The following GAS2 variants were observed in gnomAD, a reference collection of about 807,000 sequenced individuals.
The protein encoded by GAS2 is growth arrest-specific protein 2.
GAS2 carries 20 observed loss-of-function variants against 37.5 expected under a neutral mutation model. The observed-to-expected ratio is 0.53, with a 90% CI of 0.37 to 0.77. The LOEUF (loss-of-function observed/expected upper bound fraction) is 0.77, where lower values mean the gene tolerates loss of function less well. Ranked by LOEUF, GAS2 falls within the 30% of genes least tolerant of loss-of-function variation. The pLI is 0.00. For synonymous variants in GAS2, 144 were observed against 132.2 expected, an observed-to-expected ratio of 1.09 and a Z score of -0.61; for missense variants, 336 against 373.4, an observed-to-expected ratio of 0.90 and a Z score of 0.82.
At chr11:22,764,574 A>T (rs567302832) in intron 7 of GAS2, among the ~76,000 whole-genome samples, 3 of 41,250 alleles carry the variant, frequency 7.3e-5, no homozygotes, top group East Asian at 2.9e-3. Flanking sequence ...AAAAAAAAAA[A>T]AAAAAAGAAC....
chr11:22,682,893 A>AGG (rs1344511609), intron 2 of GAS2, among the ~76,000 whole-genome samples: 1,729 of 62,678 alleles, frequency 0.028, 36 homozygotes, highest in African/African-American at 0.14. Flanking sequence ...AAAAGGAAAA[A>AGG]AAAAAAAAAA....
chr11:22,742,118 T>TA (rs546706188), intron 5 of GAS2, among the ~76,000 whole-genome samples: 6 of 151,224 alleles, frequency 4.0e-5, no homozygotes, highest in South Asian at 2.1e-4. Context: ...CCTATCACTT[T>TA]AAAAAAAAAT....
At chr11:22,770,009 A>C (rs369780110) in intron 7 of GAS2, among the ~76,000 whole-genome samples, 1 of 152,326 alleles carries the variant, frequency 6.6e-6, no homozygotes, top group African/African-American at 2.4e-5. Context: ...GACATGGATG[A>C]AACTGGAAGC....
chr11:22,681,710 A>G (rs1242973710), intron 2 of GAS2, among the ~76,000 whole-genome samples: 1 of 152,150 alleles, frequency 6.6e-6, no homozygotes, highest in East Asian at 1.9e-4. Context: ...ACTAAAGAAG[A>G]TTTGATTCTG....
chr11:22,638,853 A>G (rs1396357588), intron 1 of GAS2, among the ~76,000 whole-genome samples: 1 of 152,126 alleles, frequency 6.6e-6, no homozygotes, highest in Non-Finnish European at 1.5e-5. Flanking sequence ...CAAGGCAGTC[A>G]TAGAGGGTTT....
At chr11:22,633,081 G>C (rs1485374708) in intron 1 of GAS2, among the ~76,000 whole-genome samples, 1 of 151,962 alleles carries the variant, frequency 6.6e-6, no homozygotes, top group Non-Finnish European at 1.5e-5. Flanking sequence ...TCTTAGTTTG[G>C]ATCCATCGCT....
intron 1 of GAS2, among the ~76,000 whole-genome samples, chr11:22,669,503 C>T (rs1021743121): frequency 1.3e-5 from 2 of 151,924 alleles, no homozygotes; most frequent in Non-Finnish European, 2.9e-5. Context: ...ATCATTTCAC[C>T]CAAGACAAAT....
At chr11:22,647,669 G>C (rs1401258761) in intron 1 of GAS2, among the ~76,000 whole-genome samples, 3 of 152,166 alleles carry the variant, frequency 2.0e-5, no homozygotes, top group Non-Finnish European at 2.9e-5. Context: ...TTCTCTGATG[G>C]CCAGTGATGA....
intron 1 of GAS2, among the ~76,000 whole-genome samples, chr11:22,655,521 AG>A (rs1251408450): frequency 5.9e-5 from 9 of 152,266 alleles, no homozygotes; most frequent in Non-Finnish European, 1.3e-4. Flanking sequence ...ATTTGATCCA[AG>A]TATTTGAAAA....
upstream of GAS2, among the ~76,000 whole-genome samples, chr11:22,666,158 A>G (rs141182953): frequency 8.4e-3 from 1,272 of 152,332 alleles, 7 homozygotes; most frequent in Non-Finnish European, 0.014. Flanking sequence ...CTGACATTCA[A>G]CATAATGCTG....
chr11:22,747,776 A>T (rs1853492030), intron 5 of GAS2, among the ~76,000 whole-genome samples: 1 of 152,142 alleles, frequency 6.6e-6, no homozygotes, highest in South Asian at 2.1e-4. Context: ...AAGCATGCTC[A>T]GTTTATTCAT....
At chr11:22,635,179 C>T (rs191348799) in intron 1 of GAS2, among the ~76,000 whole-genome samples, 10 of 152,286 alleles carry the variant, frequency 6.6e-5, no homozygotes, top group Admixed American at 5.9e-4. Context: ...CCCAAAGTCC[C>T]TGCCCTTTGT....
intron 2 of GAS2, among the ~76,000 whole-genome samples, chr11:22,683,919 C>A (rs1261436948): frequency 1.3e-5 from 2 of 152,110 alleles, no homozygotes; most frequent in Non-Finnish European, 2.9e-5. Flanking sequence ...ATACTACTAA[C>A]AATAGAATAT....
chr11:22,687,081 T>C (rs938576121), intron 3 of GAS2, among the ~76,000 whole-genome samples: 21 of 152,020 alleles, frequency 1.4e-4, no homozygotes, highest in African/African-American at 5.1e-4. Context: ...TCTCAGCACT[T>C]TGCGGGGGTC....
chr11:22,702,003 AT>A (rs1850867310), intron 3 of GAS2, among the ~76,000 whole-genome samples: 1 of 152,288 alleles, frequency 6.6e-6, no homozygotes, highest in African/African-American at 2.4e-5. Flanking sequence ...AATGTGTCCT[AT>A]CTTCTTAAAT....
intron 1 of GAS2, among the ~76,000 whole-genome samples, chr11:22,638,773 T>A (rs1192406640): frequency 6.6e-6 from 1 of 152,114 alleles, no homozygotes; most frequent in African/African-American, 2.4e-5. Context: ...GCACACCAAT[T>A]ACAGCTCTCT....
At chr11:22,744,982 A>C (rs1376292767) in intron 5 of GAS2, among the ~76,000 whole-genome samples, 1 of 152,068 alleles carries the variant, frequency 6.6e-6, no homozygotes, top group Non-Finnish European at 1.5e-5. Context: ...TAGATGACAC[A>C]AACAAAGGAA....
At chr11:22,654,564 TTTTTAAAG>T (rs1391563192) in intron 1 of GAS2, among the ~76,000 whole-genome samples, 2 of 152,072 alleles carry the variant, frequency 1.3e-5, no homozygotes, top group East Asian at 3.9e-4. Flanking sequence ...CCTGGCTAAC[TTTTTAAAG>T]TTTTAGAGAC....
intron 5 of GAS2, among the ~76,000 whole-genome samples, chr11:22,743,762 C>T (rs1853225307): frequency 6.6e-6 from 1 of 151,796 alleles, no homozygotes; most frequent in Admixed American, 6.6e-5. Flanking sequence ...CAAACTAACC[C>T]AAAGCTAGCA....
Sources: allele counts gnomAD v4.1 joint callset (sites outside exome capture counted in the v4.1 genomes callset), GRCh38; gene constraint gnomAD v4.1.1; transcripts MANE v1.5; gene names NCBI Gene and HGNC (gene_info 2026-07-23, HGNC 2026-07-21).